UBE2E2: variants seen among roughly 807,000 people sequenced by gnomAD.
UBE2E2 encodes ubiquitin conjugating enzyme E2 E2, also known as ubiquitin-conjugating enzyme E2 E2.
In UBE2E2, 6 loss-of-function variants were observed where a neutral mutation model predicts 24.7. The observed-to-expected ratio is 0.24, with a 90% CI of 0.13 to 0.48. UBE2E2 has a LOEUF of 0.48. Among genes scored for constraint, UBE2E2 ranks in the 20% least tolerant of loss-of-function variants. UBE2E2 has a pLI of 0.99. For synonymous variants in UBE2E2, 104 were observed against 83.6 expected (o/e 1.24, Z -1.33); for missense variants, 169 against 245.0 (o/e 0.69, Z 2.07).
chr3:23,400,718 A>G (rs1309311646), intron 3 of UBE2E2, among the ~76,000 whole-genome samples: 1 of 151,940 alleles, frequency 6.6e-6, no homozygotes, highest in Non-Finnish European at 1.5e-5. Context: ...CACATTCCCT[A>G]TCAAATTACA....
intron 5 of UBE2E2, among the ~76,000 whole-genome samples, chr3:23,543,311 C>G (rs1213773461): frequency 6.6e-6 from 1 of 152,038 alleles, no homozygotes; most frequent in Non-Finnish European, 1.5e-5. Context: ...CTAGAAAACC[C>G]TAAAGACTCC....
At chr3:23,397,088 C>A (rs1200447484) in intron 3 of UBE2E2, among the ~76,000 whole-genome samples, 2 of 152,206 alleles carry the variant, frequency 1.3e-5, no homozygotes, top group Non-Finnish European at 1.5e-5. Flanking sequence ...ATTGAAACAT[C>A]AGTCCTCAGA....
At chr3:23,559,754 G>A (rs953202534) in intron 5 of UBE2E2, among the ~76,000 whole-genome samples, 1 of 152,142 alleles carries the variant, frequency 6.6e-6, no homozygotes, top group African/African-American at 2.4e-5. Flanking sequence ...TATCATGCAC[G>A]TTAGAAATAA....
rs140910023 is a variant in UBE2E2, at chr3:23,473,228, G to A, written c.228-26380G>A. ...AATAGTTTTTGTCATGTTTAAATGGGAAAAAAAAGCACAAAGGAAAGTTTT... is the reference window on the plus strand; with the variant it reads ...AATAGTTTTTGTCATGTTTAAATGGAAAAAAAAAGCACAAAGGAAAGTTTT... On this transcript the variant is annotated intron_variant, in intron 3 of 5. Transcript: ENST00000396703. Among the ~76,000 whole-genome samples the A allele has an allele frequency of 3.2e-4, 48 of 151,226 alleles. 1 individual carries two copies. The highest frequency in any genetic ancestry group is 1.0e-3 in the African/African-American group (43 of 41,170).
chr3:23,352,201 A>C (rs1695775898), intron 3 of UBE2E2, among the ~76,000 whole-genome samples: 1 of 152,250 alleles, frequency 6.6e-6, no homozygotes, highest in South Asian at 2.1e-4. Context: ...CAAAGACACA[A>C]CATACCAGAA....
chr3:23,404,632 G>A (rs1697314187), intron 3 of UBE2E2, among the ~76,000 whole-genome samples: 1 of 152,126 alleles, frequency 6.6e-6, no homozygotes, highest in Non-Finnish European at 1.5e-5. Flanking sequence ...TGTTTTATGA[G>A]TTTGTTTATA....
chr3:23,338,636 G>A (rs1695282279), intron 3 of UBE2E2, among the ~76,000 whole-genome samples: 1 of 152,098 alleles, frequency 6.6e-6, no homozygotes, highest in Non-Finnish European at 1.5e-5. Context: ...CAGGATGAAA[G>A]TGGCAAAATG....
chr3:23,414,644 T>C (rs998368113), intron 3 of UBE2E2, among the ~76,000 whole-genome samples: 2 of 152,222 alleles, frequency 1.3e-5, no homozygotes, highest in African/African-American at 2.4e-5. Context: ...GAGGATGCTA[T>C]GATATGTGTC....
At chr3:23,525,123 A>G (rs938116577) in intron 4 of UBE2E2, among the ~76,000 whole-genome samples, 2 of 151,880 alleles carry the variant, frequency 1.3e-5, no homozygotes, top group Non-Finnish European at 2.9e-5. Flanking sequence ...TCCTCACATC[A>G]CTTATCACAT....
chr3:23,401,772 C>G (rs1002223940), intron 3 of UBE2E2, among the ~76,000 whole-genome samples: 2 of 151,648 alleles, frequency 1.3e-5, no homozygotes, highest in African/African-American at 4.8e-5. Context: ...CCTCTGCCTC[C>G]TGGGTTCAAG....
At chr3:23,399,870 G>C (rs1374254628) in intron 3 of UBE2E2, among the ~76,000 whole-genome samples, 1 of 152,160 alleles carries the variant, frequency 6.6e-6, no homozygotes, top group East Asian at 1.9e-4. Flanking sequence ...GAAGAAAACA[G>C]TTGATGTCAG....
At chr3:23,364,333 A>G (rs991166807) in intron 3 of UBE2E2, among the ~76,000 whole-genome samples, 4 of 152,144 alleles carry the variant, frequency 2.6e-5, no homozygotes, top group African/African-American at 7.2e-5. Context: ...CAACAAGTAC[A>G]GAAATTGATT....
chr3:23,467,442 C>T (rs1170358686), intron 3 of UBE2E2, among the ~76,000 whole-genome samples: 2 of 152,144 alleles, frequency 1.3e-5, no homozygotes, highest in Admixed American at 6.5e-5. Flanking sequence ...TACTGGGTCT[C>T]GACTTCTCAC....
intron 3 of UBE2E2, among the ~76,000 whole-genome samples, chr3:23,494,879 A>G (rs893782713): frequency 6.6e-6 from 1 of 151,752 alleles, no homozygotes; most frequent in African/African-American, 2.4e-5. Context: ...GGATAGGAGT[A>G]TTTCAGATAC....
At chr3:23,357,474 C>G (rs915843171) in intron 3 of UBE2E2, among the ~76,000 whole-genome samples, 2 of 151,906 alleles carry the variant, frequency 1.3e-5, no homozygotes, top group African/African-American at 2.4e-5. Context: ...ATATTTGATT[C>G]TTTTTCAGTT....
chr3:23,356,998 A>G (rs1360610175), intron 3 of UBE2E2, among the ~76,000 whole-genome samples: 3 of 152,208 alleles, frequency 2.0e-5, no homozygotes, highest in Admixed American at 1.3e-4. Flanking sequence ...AGCAATCCAG[A>G]CTGCTTTGAT....
chr3:23,375,671 A>G (rs184888256), intron 3 of UBE2E2, among the ~76,000 whole-genome samples: 3 of 152,330 alleles, frequency 2.0e-5, no homozygotes, highest in African/African-American at 7.2e-5. Context: ...ATTATTGGAT[A>G]ATAAATTAAC....
intron 3 of UBE2E2, among the ~76,000 whole-genome samples, chr3:23,330,466 A>G (rs994679253): frequency 9.2e-5 from 14 of 152,220 alleles, no homozygotes; most frequent in Admixed American, 2.0e-4. Context: ...GCTGTTTTTA[A>G]AACTTTGACA....
chr3:23,374,057 A>G (rs926345512), intron 3 of UBE2E2, among the ~76,000 whole-genome samples: 7 of 152,210 alleles, frequency 4.6e-5, no homozygotes, highest in Non-Finnish European at 7.3e-5. Context: ...CACACAATGG[A>G]TGTGAAATAA....
Sources: gnomAD v4.1 joint callset for allele counts (sites outside exome capture counted in the v4.1 genomes callset) on GRCh38, gnomAD v4.1.1 for gene constraint, MANE v1.5 for transcripts, NCBI Gene and HGNC (gene_info 2026-07-23, HGNC 2026-07-21) for gene names.